NEMP2: variants seen among roughly 807,000 people sequenced by gnomAD.
NEMP2 encodes UPF0571 transmembrane protein.
NEMP2 carries 53 observed loss-of-function variants against 54.2 expected under a neutral mutation model. That is an observed-to-expected ratio of 0.98 (90% CI 0.78 to 1.23). NEMP2 has a LOEUF of 1.23. NEMP2 is among the 50% of genes most tolerant of loss of function. The pLI, the probability that NEMP2 is intolerant of heterozygous loss-of-function variation, is 0.00. For missense variants in NEMP2, 455 were observed against 511.3 expected (o/e 0.89, Z 1.06); for synonymous variants, 197 against 190.3 (o/e 1.04, Z -0.29).
the NEMP2 span, among the ~76,000 whole-genome samples, chr2:190,557,528 G>A: frequency 6.6e-6 from 1 of 152,062 alleles, no homozygotes. Context: ...TCATCAGAGT[G>A]AACAGGCAAC....
At chr2:190,553,414 G>C in the NEMP2 span, 1 of 152,232 alleles carries the variant, frequency 6.6e-6, no homozygotes, top group Non-Finnish European at 1.5e-5. Context: ...TGCCTAGTCA[G>C]CTCTATCAGT....
chr2:190,499,824 T>C (rs1350136990), downstream of NEMP2: 1 of 1,539,690 alleles, frequency 6.5e-7, no homozygotes, highest in South Asian at 1.2e-5. The surrounding 1 kb of genome is among the most constrained non-coding windows in gnomAD (Gnocchi z 6.0). Context: ...TTCATGCGGC[T>C]CTGGCAGTTG....
At chr2:190,642,211 T>TG in the NEMP2 span, among the ~76,000 whole-genome samples, 10 of 152,286 alleles carry the variant, frequency 6.6e-5, no homozygotes, top group South Asian at 4.1e-4. The surrounding 1 kb of genome is among the most constrained non-coding windows in gnomAD (Gnocchi z 4.1). Flanking sequence ...CGGGTTTTTT[T>TG]TTTGTTGTTG....
At chr2:190,434,591 G>A in the NEMP2 span, among the ~76,000 whole-genome samples, 1 of 152,076 alleles carries the variant, frequency 6.6e-6, no homozygotes, top group Non-Finnish European at 1.5e-5. This position sits in a 1 kb window ranked among gnomAD's most constrained non-coding sequence, Gnocchi z 4.3. Flanking sequence ...GTGCCACCAG[G>A]CCCAGCTAAT....
At chr2:190,478,694 G>T in the NEMP2 span, among the ~76,000 whole-genome samples, 1 of 152,124 alleles carries the variant, frequency 6.6e-6, no homozygotes, top group South Asian at 2.1e-4. Context: ...AATGTTACTT[G>T]TTGATTGCCA....
the NEMP2 span, among the ~76,000 whole-genome samples, chr2:190,423,589 GC>G: frequency 6.6e-6 from 1 of 152,152 alleles, no homozygotes; most frequent in Non-Finnish European, 1.5e-5. This position sits in a 1 kb window ranked among gnomAD's most constrained non-coding sequence, Gnocchi z 4.3. Context: ...GAAGAAAGCT[GC>G]TATAAACATT....
chr2:190,592,963 T>C, the NEMP2 span, among the ~76,000 whole-genome samples: 8 of 152,216 alleles, frequency 5.3e-5, no homozygotes. The surrounding 1 kb of genome is among the most constrained non-coding windows in gnomAD (Gnocchi z 4.4). Flanking sequence ...AAACTTAATG[T>C]TATTCAGAGT....
the NEMP2 span, among the ~76,000 whole-genome samples, chr2:190,544,928 C>T: frequency 9.6e-4 from 95 of 98,664 alleles, no homozygotes; most frequent in South Asian, 7.0e-3. Context: ...TCTCTACCCC[C>T]GCAAAAAAAA....
At chr2:190,473,068 A>C in the NEMP2 span, among the ~76,000 whole-genome samples, 24 of 152,168 alleles carry the variant, frequency 1.6e-4, no homozygotes, top group Non-Finnish European at 3.1e-4. Flanking sequence ...ACCTGCCCTA[A>C]AAGAGCTCCT....
chr2:190,485,628 G>A, the NEMP2 span, among the ~76,000 whole-genome samples: 1 of 151,856 alleles, frequency 6.6e-6, no homozygotes, highest in African/African-American at 2.4e-5. The surrounding 1 kb of genome is among the most constrained non-coding windows in gnomAD (Gnocchi z 5.1). Context: ...TTCCCATTAG[G>A]TACTATGGTG....
chr2:190,514,177 G>A lies in NEMP2; in HGVS notation c.953+276C>T, dbSNP rs1223773962. Among the ~76,000 whole-genome samples the A allele has an allele frequency of 6.6e-6, 1 of 152,214 alleles. No homozygotes were observed. Among genetic ancestry groups the A allele is most frequent in the African/African-American group, 2.4e-5 (1 of 41,458 alleles). ...AAGAAGATATTTTAGGTAACCCAGA[G>A]TCCAAGTACTTCTGCCATTGACTCT... On this transcript the variant is annotated intron_variant, in intron 7 of 8. Coordinates refer to ENST00000409150, the MANE Select transcript of NEMP2 (RefSeq NM_001142645.2). The surrounding 1 kb of genome is among the most constrained non-coding windows in gnomAD (Gnocchi z 5.7).
chr2:190,485,531 T>C, the NEMP2 span, among the ~76,000 whole-genome samples: 1 of 152,084 alleles, frequency 6.6e-6, no homozygotes, highest in South Asian at 2.1e-4. This position sits in a 1 kb window ranked among gnomAD's most constrained non-coding sequence, Gnocchi z 5.1. Flanking sequence ...TTTCCCCCAG[T>C]GTGGTTAATG....
the NEMP2 span, among the ~76,000 whole-genome samples, chr2:190,545,588 C>T: frequency 1.3e-5 from 2 of 152,216 alleles, no homozygotes; most frequent in African/African-American, 4.8e-5. Context: ...TTCTAGCTTT[C>T]AGTTCTTGAT....
At chr2:190,477,913 C>T in the NEMP2 span, among the ~76,000 whole-genome samples, 1 of 151,698 alleles carries the variant, frequency 6.6e-6, no homozygotes, top group African/African-American at 2.4e-5. Flanking sequence ...TAGGAATCTA[C>T]CAGGTGGTCT....
Position 190,507,493 on chromosome 2 carries a change from T to A in NEMP2, c.*1696A>T, listed in dbSNP as rs994616401. On this transcript the variant is annotated 3_prime_UTR_variant, in exon 9 of 9. Coordinates refer to ENST00000409150, the MANE Select transcript of NEMP2 (RefSeq NM_001142645.2). This position sits in a 1 kb window ranked among gnomAD's most constrained non-coding sequence, Gnocchi z 4.4. ...CACTGATACATCTGATACATTTATA[T>A]CACCAATAAATATAATTTAAAAAAA... The A allele has an allele frequency of 9.2e-5, 14 of 152,248 alleles. No homozygotes were observed. In the East Asian group the frequency reaches 2.5e-3, roughly 27 times the overall value. 9.4% of individuals were successfully genotyped at this position (152,248 alleles called of 1,614,324 possible).
the NEMP2 span, among the ~76,000 whole-genome samples, chr2:190,558,728 AT>A: frequency 1.3e-5 from 2 of 152,188 alleles, no homozygotes; most frequent in African/African-American, 2.4e-5. The surrounding 1 kb of genome is among the most constrained non-coding windows in gnomAD (Gnocchi z 4.4). Context: ...TTTGGGCTTT[AT>A]TATGTGGAAA....
At chr2:190,449,849 C>T in the NEMP2 span, among the ~76,000 whole-genome samples, 1 of 151,680 alleles carries the variant, frequency 6.6e-6, no homozygotes, top group Non-Finnish European at 1.5e-5. Flanking sequence ...GAACATCACA[C>T]TCTGGGGACT....
the NEMP2 span, chr2:190,640,811 T>G: frequency 6.9e-5 from 1 of 14,532 alleles, no homozygotes. Flanking sequence ...TTTTTTTTTT[T>G]TTTTTTTTTT....
the NEMP2 span, among the ~76,000 whole-genome samples, chr2:190,428,885 C>A: frequency 6.6e-6 from 1 of 152,094 alleles, no homozygotes; most frequent in South Asian, 2.1e-4. Context: ...ATTGGCCAGG[C>A]TGGTCTTAAA....
Sources: allele counts gnomAD v4.1 joint callset (sites outside exome capture counted in the v4.1 genomes callset), GRCh38; gene constraint gnomAD v4.1.1; non-coding constraint Gnocchi (gnomAD v3.1); transcripts MANE v1.5; gene names NCBI Gene and HGNC (gene_info 2026-07-23, HGNC 2026-07-21).